Variants in IZUMO1 observed in about 807,000 individuals in gnomAD.
IZUMO1 encodes izumo sperm-oocyte fusion 1.
In IZUMO1, 44 loss-of-function variants were observed where a neutral mutation model predicts 40.7. The ratio of observed to expected loss-of-function variants is 1.08; its 90% CI spans 0.85 to 1.39. The LOEUF is 1.39. IZUMO1 is among the 40% of genes most tolerant of loss of function. IZUMO1 has a pLI of 0.00. For synonymous variants in IZUMO1, 149 were observed against 170.9 expected, an observed-to-expected ratio of 0.87 and a Z score of 1.00; for missense variants, 368 against 436.9, an observed-to-expected ratio of 0.84 and a Z score of 1.41.
rs577367047 is a variant in IZUMO1 at position 48,742,145 on chromosome 19, T to C, written c.600+64A>G. On this transcript the variant is annotated intron_variant, in intron 7 of 9. Coordinates refer to ENST00000332955, the MANE Select transcript of IZUMO1 (RefSeq NM_182575.3). Reference sequence around the variant, plus strand: ...CATGAGAATCGTGGGTGCAGGCCCATAGATCCAGAACACAAGTATTGTAGT... The same window carrying C: ...CATGAGAATCGTGGGTGCAGGCCCACAGATCCAGAACACAAGTATTGTAGT... 364 of 1,507,082 alleles carry C rather than the reference T, an allele frequency of 2.4e-4. 2 individuals carry two copies. The African/African-American group carries it at 4.5e-3, about 19-fold the overall frequency. 93.4% of individuals were successfully genotyped at this position (1,507,082 alleles called of 1,614,324 possible). A position where few individuals can be genotyped will look rare whatever the true frequency, so the allele number is the denominator to read the frequency against.
Position 48,741,115 on chromosome 19 carries a change from A to C in IZUMO1, c.933-87T>G, listed in dbSNP as rs2033672965. On this transcript the variant is annotated intron_variant, in intron 9 of 9. Coordinates refer to ENST00000332955, the MANE Select transcript of IZUMO1 (RefSeq NM_182575.3). This position sits in a 1 kb window ranked among gnomAD's most constrained non-coding sequence, Gnocchi z 4.4. The stretch of plus-strand genomic sequence containing the variant: ...ACCCCTCCCAACCTCCCCCTTTGTG[A>C]CCTTATTCTAGCAATTACCTAAGCC... 1 of 1,574,056 alleles carries C rather than the reference A, an allele frequency of 6.4e-7. No individual in the cohort carries two copies. Among genetic ancestry groups the C allele is most frequent in the Non-Finnish European group, 8.7e-7 (1 of 1,153,658 alleles).
Position 48,740,990 on chromosome 19 carries a change from G to A in IZUMO1, c.971C>T (p.Ser324Phe). 6.2e-7 allele frequency: 1 copy of A among 1,614,156 alleles called. No homozygotes were observed. Among genetic ancestry groups the A allele is most frequent in the Non-Finnish European group, 8.5e-7 (1 of 1,180,012 alleles). Residue 324 changes from serine (S) to phenylalanine (F), a missense_variant, in exon 10 of 10, where the codon TCC becomes TTC. Physicochemically the swap from Ser to Phe is radical, Grantham distance 155. Transcript: ENST00000332955. The surrounding 1 kb of genome is among the most constrained non-coding windows in gnomAD (Gnocchi z 5.5). ...TCCACTGCCAAGGCCAAACAGTGAGGATTTGATGAAATCGATCACCTTCCT... is the reference window on the plus strand; with the variant it reads ...TCCACTGCCAAGGCCAAACAGTGAGAATTTGATGAAATCGATCACCTTCCT... ...RRRKVIDFIK[S>F]SLFGLGSGAA...
In IZUMO1 at chr19:48,743,228, A is replaced by G. The variant is rs562787429; in HGVS notation, c.499+217T>C. The G allele has an allele frequency of 1.2e-5, 7 of 574,470 alleles. No homozygotes were observed. In the East Asian group the frequency reaches 1.5e-4, roughly 12 times the overall value. The allele number at this position is 574,470 out of a possible 1,614,324, so 35.6% of individuals were successfully genotyped here. ...TTTTTTGTAGAGATAGAGTCTCGCT[A>G]TGTTGCCCAGGCTGGTCTCAAACTC... is the stretch of plus-strand genomic sequence containing the variant. On this transcript the variant is annotated intron_variant, in intron 6 of 9. Coordinates refer to ENST00000332955, the MANE Select transcript of IZUMO1 (RefSeq NM_182575.3).
intron 2 of IZUMO1, 96 bp downstream of exon 2, chr19:48,745,529 G>T: frequency 6.9e-7 from 1 of 1,452,160 alleles, no homozygotes; most frequent in Non-Finnish European, 9.6e-7. Context: ...CTCCATTCCC[G>T]AATCCCGGAG....
At chr19:48,745,400 G>A (rs892274083) in intron 2 of IZUMO1, 112 bp from the exon 3 acceptor site, 4 of 1,095,294 alleles carry the variant, frequency 3.7e-6, no homozygotes, top group Non-Finnish European at 5.4e-6. Context: ...CCTGGTTAAG[G>A]ACTCAGCCGC....
chr19:48,743,939 C>T (rs760659230), intron 5 of IZUMO1: 108 of 532,338 alleles, frequency 2.0e-4, no homozygotes, highest in Non-Finnish European at 3.3e-4. Flanking sequence ...TGCAGTGAGC[C>T]GTGATCGTGC....
chr19:48,743,358 A>G (rs1290730498), intron 6 of IZUMO1, 87 bp downstream of exon 6: 1 of 1,260,960 alleles, frequency 7.9e-7, no homozygotes, highest in Non-Finnish European at 1.1e-6. Flanking sequence ...CTGCCCCCAC[A>G]CCCCCATCTA....
At position 48,741,566 on chromosome 19, in the gene IZUMO1, C is replaced by T; in HGVS notation, c.755-88G>A. On this transcript the variant is annotated intron_variant, in intron 8 of 9. Coordinates refer to ENST00000332955, the MANE Select transcript of IZUMO1 (RefSeq NM_182575.3). This position sits in a 1 kb window ranked among gnomAD's most constrained non-coding sequence, Gnocchi z 4.4. ...AAGCCCGTCCCAGTAGCCGGCCATC[C>T]CAGAGATAATCACGCCTTCAACAGT... 3 of 1,438,946 alleles carry T rather than the reference C, an allele frequency of 2.1e-6. No individual in the cohort carries two copies. The South Asian group carries it at 3.7e-5, about 18-fold the overall frequency. 89.1% of individuals were successfully genotyped at this position (1,438,946 alleles called of 1,614,324 possible).
intron 1 of IZUMO1, chr19:48,746,174 G>A: frequency 8.4e-7 from 1 of 1,192,774 alleles, no homozygotes; most frequent in Non-Finnish European, 1.0e-6. Context: ...TCACTCATAA[G>A]TCCCCAAACT....
intron 5 of IZUMO1, 52 bp downstream of exon 5, chr19:48,744,123 G>A (rs2033806248): frequency 6.4e-7 from 1 of 1,560,172 alleles, no homozygotes; most frequent in Non-Finnish European, 8.8e-7. Context: ...GAGTGGGGAG[G>A]TTGACTATTC....
At position 48,741,494 on chromosome 19, in the gene IZUMO1, T is replaced by A; in HGVS notation, c.755-16A>T. The A allele has an allele frequency of 6.3e-7, 1 of 1,595,368 alleles. No individual in the cohort carries two copies. The highest frequency in any genetic ancestry group is 8.6e-7 in the Non-Finnish European group (1 of 1,165,114). Reference sequence around the variant, plus strand: ...TTGGGCAACACTGTTAGAGAAAGCGTAAAGAGCAGTCCTGGCAGGGCGTGG... The same window carrying A: ...TTGGGCAACACTGTTAGAGAAAGCGAAAAGAGCAGTCCTGGCAGGGCGTGG... On this transcript the variant is annotated splice_polypyrimidine_tract_variant and intron_variant, in intron 8 of 9. Transcript: ENST00000332955. This position sits in a 1 kb window ranked among gnomAD's most constrained non-coding sequence, Gnocchi z 4.4.
At chr19:48,742,090 G>T in intron 7 of IZUMO1, 119 bp downstream of exon 7, 2 of 1,493,210 alleles carry the variant, frequency 1.3e-6, no homozygotes, top group Non-Finnish European at 1.8e-6. Context: ...GGTCTGTAGA[G>T]ACCACACCTA....
chr19:48,743,256 G>A, intron 6 of IZUMO1, 189 bp downstream of exon 6: 2 of 595,270 alleles, frequency 3.4e-6, no homozygotes, highest in Non-Finnish European at 6.0e-6. Context: ...TCAAACTCCT[G>A]GCTTCCCAAT....
At position 48,746,574 on chromosome 19, in the gene IZUMO1, G is replaced by T; in HGVS notation, c.-213C>A. 1 of 985,678 alleles carries T rather than the reference G, an allele frequency of 1.0e-6. No homozygotes were observed. Among genetic ancestry groups the T allele is most frequent in the Non-Finnish European group, 1.2e-6 (1 of 830,152 alleles). 61.1% of individuals were successfully genotyped at this position (985,678 alleles called of 1,614,324 possible). ...GGGCGCACCCTTCCGCTTAGAAAAA[G>T]GAGCCCCGATGCATCCTGAACAGTG... On this transcript the variant is annotated 5_prime_UTR_variant, in exon 1 of 10. Coordinates refer to ENST00000332955, the MANE Select transcript of IZUMO1 (RefSeq NM_182575.3).
chr19:48,742,370 T>C, intron 6 of IZUMO1, 61 bp from the exon 7 acceptor site: 1 of 1,172,592 alleles, frequency 8.5e-7, no homozygotes, highest in Non-Finnish European at 1.3e-6. Flanking sequence ...GTTTTTGAGA[T>C]GGAGACTCGC....
intron 5 of IZUMO1, 113 bp from the exon 6 acceptor site, chr19:48,743,638 C>G: frequency 1.2e-6 from 1 of 809,408 alleles, no homozygotes; most frequent in Non-Finnish European, 2.1e-6. Context: ...GATGGTCAGA[C>G]GAAGGCACAG....
rs1020223589 is a variant in IZUMO1, at chr19:48,743,270, C to T, written c.499+175G>A. Reference sequence around the variant, plus strand: ...CTCAAACTCCTGGCTTCCCAATCCTCCCGTCTCAGCCTCTCGAAGTGCGAG... The same window carrying T: ...CTCAAACTCCTGGCTTCCCAATCCTTCCGTCTCAGCCTCTCGAAGTGCGAG... On this transcript the variant is annotated intron_variant, in intron 6 of 9. Transcript: ENST00000332955. 9.8e-6 allele frequency: 6 copies of T among 610,100 alleles called. No homozygotes were observed. In the African/African-American group the frequency reaches 1.1e-4, roughly 11 times the overall value. The allele number at this position is 610,100 out of a possible 1,614,324, so 37.8% of individuals were successfully genotyped here.
In IZUMO1 at chr19:48,744,537, C is replaced by A; in HGVS notation, c.313G>T (p.Asp105Tyr). The change falls in exon 4 of 10, where the codon GAT becomes TAT. Residue 105 changes from aspartate (D) to tyrosine (Y), a missense_variant and splice_region_variant. By Grantham distance (160) the Asp-to-Tyr change is radical. Coordinates refer to ENST00000332955, the MANE Select transcript of IZUMO1 (RefSeq NM_182575.3). Reference protein sequence around the residue: ...KRITDSDVKGDLFVKELFWML... With the variant: ...KRITDSDVKGYLFVKELFWML... ...CAAAATAGCTCCTTCACGAAGAGAT[C>A]GCCTGGGAAGACACAGGAACCCCCA... The A allele has an allele frequency of 6.2e-7, 1 of 1,611,222 alleles. No homozygotes were observed. Among genetic ancestry groups the A allele is most frequent in the Non-Finnish European group, 8.5e-7 (1 of 1,177,466 alleles).
chr19:48,743,569 ATGGCT>A, intron 5 of IZUMO1, 44 bp from the exon 6 acceptor site: 1 of 1,484,438 alleles, frequency 6.7e-7, no homozygotes, highest in Non-Finnish European at 9.4e-7. Flanking sequence ...ACTAAGGGGC[ATGGCT>A]AAAAGGAGAG....
Sources: gnomAD v4.1 joint callset for allele counts on GRCh38, gnomAD v4.1.1 for gene constraint, Gnocchi (gnomAD v3.1) non-coding constraint, MANE v1.5 for transcripts, NCBI Gene and HGNC (gene_info 2026-07-23, HGNC 2026-07-21) for gene names.